SSX2IP: variants seen among roughly 807,000 people sequenced by gnomAD.
SSX2IP encodes afadin- and alpha-actinin-binding protein.
Under a neutral mutation model 84.9 loss-of-function variants are expected in SSX2IP, and 55 were observed. The ratio of observed to expected loss-of-function variants is 0.65; its 90% CI spans 0.52 to 0.81. The LOEUF is 0.81. Ranked by LOEUF, SSX2IP falls within the 30% of genes least tolerant of loss-of-function variation. SSX2IP has a pLI of 0.00. For synonymous variants in SSX2IP, 239 were observed against 234.7 expected, an observed-to-expected ratio of 1.02 and a Z score of -0.17; for missense variants, 664 against 705.2, an observed-to-expected ratio of 0.94 and a Z score of 0.66.
intron 11 of SSX2IP, 60 bp downstream of exon 11, chr1:84,655,772 A>G: frequency 6.4e-7 from 1 of 1,563,664 alleles, no homozygotes; most frequent in Non-Finnish European, 8.7e-7. Flanking sequence ...CCTTAGAAGC[A>G]TTCTACTGAG....
At chr1:84,664,175 T>C (rs1403145784) in intron 6 of SSX2IP, among the ~76,000 whole-genome samples, 1 of 152,172 alleles carries the variant, frequency 6.6e-6, no homozygotes, top group Non-Finnish European at 1.5e-5. Context: ...TTTTCCTCTA[T>C]GGATTAATTC....
intron 4 of SSX2IP, among the ~76,000 whole-genome samples, chr1:84,667,278 G>A (rs2994446): frequency 0.014 from 2,147 of 152,090 alleles, 41 homozygotes; most frequent in African/African-American, 0.047. Context: ...GTAACTCAAG[G>A]CAGAAACCTG....
chr1:84,650,272 G>T, intron 13 of SSX2IP, 90 bp downstream of exon 13: 2 of 1,290,038 alleles, frequency 1.6e-6, no homozygotes, highest in Non-Finnish European at 2.3e-6. Flanking sequence ...CTCTATTGTT[G>T]CTAATACTAC....
intron 1 of SSX2IP, among the ~76,000 whole-genome samples, chr1:84,681,735 G>A (rs748101799): frequency 1.4e-4 from 22 of 152,140 alleles, no homozygotes; most frequent in Admixed American, 6.6e-4. Flanking sequence ...TGGAAATCTC[G>A]ACTTAGACAA....
rs751650656 is a variant in SSX2IP, at chr1:84,644,908, T to C, written c.*2525A>G. The C allele has an allele frequency of 2.0e-5, 3 of 152,228 alleles. No homozygotes were observed. The highest frequency in any genetic ancestry group is 2.1e-4 in the South Asian group (1 of 4,836). The allele number at this position is 152,228 out of a possible 1,614,324, so 9.4% of individuals were successfully genotyped here. ...TTAATACATTGCTTCTATAAGAAAA[T>C]ACTATTTGTTAAATTTTAGTCATAA... is the stretch of plus-strand genomic sequence containing the variant. On this transcript the variant is annotated 3_prime_UTR_variant, in exon 14 of 14. Coordinates refer to ENST00000342203, the MANE Select transcript of SSX2IP (RefSeq NM_001166293.2).
At chr1:84,678,744 T>C (rs182942277) in intron 1 of SSX2IP, among the ~76,000 whole-genome samples, 3 of 152,306 alleles carry the variant, frequency 2.0e-5, no homozygotes, top group Admixed American at 2.0e-4. Flanking sequence ...CACCCCCAAA[T>C]CTCTGCAACT....
At chr1:84,650,970 G>A (rs1482613028) in intron 12 of SSX2IP, among the ~76,000 whole-genome samples, 1 of 152,084 alleles carries the variant, frequency 6.6e-6, no homozygotes, top group Non-Finnish European at 1.5e-5. Flanking sequence ...CTCCCAAAGT[G>A]CTGGGATTAC....
intron 1 of SSX2IP, among the ~76,000 whole-genome samples, chr1:84,675,631 G>A (rs147796578): frequency 4.3e-4 from 66 of 152,304 alleles, no homozygotes; most frequent in African/African-American, 1.6e-3. Flanking sequence ...TTTCCAACGT[G>A]TGGGACAAAG....
At chr1:84,670,158 A>G (rs1412332614) in intron 3 of SSX2IP, 2 of 228,056 alleles carry the variant, frequency 8.8e-6, no homozygotes, top group Non-Finnish European at 1.7e-5. Flanking sequence ...CATGACAAAT[A>G]TATATAATTT....
chr1:84,668,153 A>G (rs74098430), intron 4 of SSX2IP, among the ~76,000 whole-genome samples: 4,172 of 152,272 alleles, frequency 0.027, 203 homozygotes, highest in African/African-American at 0.095. Context: ...CTGAAGAAAC[A>G]GTCTCTGCTC....
At chr1:84,659,609 C>A (rs1233587847) in intron 8 of SSX2IP, among the ~76,000 whole-genome samples, 1 of 151,764 alleles carries the variant, frequency 6.6e-6, no homozygotes, top group Non-Finnish European at 1.5e-5. Flanking sequence ...ACCATCCTGT[C>A]CAACATGGTG....
Position 84,670,804 on chromosome 1 carries a change from T to G in SSX2IP, c.55A>C (p.Ile19Leu), listed in dbSNP as rs370102993. 35 of 1,603,756 alleles carry G rather than the reference T, an allele frequency of 2.2e-5. No individual in the cohort carries two copies. Among genetic ancestry groups the G allele is most frequent in the Middle Eastern group, 3.3e-4 (2 of 6,012 alleles). Reference protein sequence around the residue: ...DPGLSSESKTISQYTSETKMS... With the variant: ...DPGLSSESKTLSQYTSETKMS... ...TTTGTTTCTGAGGTATATTGAGAGA[T>G]AGTTTTGCTTTCTGAAAGAATAAAA... Residue 19 changes from isoleucine to leucine, a missense_variant, in exon 3 of 14, where the codon ATC becomes CTC. Ile to Leu is a conservative substitution (Grantham distance 5). Coordinates refer to ENST00000342203, the MANE Select transcript of SSX2IP (RefSeq NM_001166293.2).
intron 2 of SSX2IP, 123 bp from the exon 3 acceptor site, chr1:84,670,938 T>C: frequency 1.2e-6 from 1 of 803,702 alleles, no homozygotes; most frequent in South Asian, 2.4e-5. Context: ...AATATATACA[T>C]ACATATTTTA....
Position 84,644,216 on chromosome 1 carries a change from C to T in SSX2IP, c.*3217G>A, listed in dbSNP as rs572787491. ...AGACTTATAAATGGAAGCCTAGCCA[C>T]GTTACTGTTAAAAAACAAATGTGGC... On this transcript the variant is annotated 3_prime_UTR_variant, in exon 14 of 14. Coordinates refer to ENST00000342203, the MANE Select transcript of SSX2IP (RefSeq NM_001166293.2). 2.0e-5 allele frequency: 3 copies of T among 152,274 alleles called. No individual in the cohort carries two copies. Among genetic ancestry groups the T allele is most frequent in the East Asian group, 1.9e-4 (1 of 5,182 alleles). The allele number at this position is 152,274 out of a possible 1,614,324, so 9.4% of individuals were successfully genotyped here.
At position 84,645,080 on chromosome 1, in the gene SSX2IP, G is replaced by A. The variant is rs1473803841; in HGVS notation, c.*2353C>T. 1 of 152,154 alleles carries A rather than the reference G, an allele frequency of 6.6e-6. No individual in the cohort carries two copies. Among genetic ancestry groups the A allele is most frequent in the Non-Finnish European group, 1.5e-5 (1 of 68,032 alleles). The allele number at this position is 152,154 out of a possible 1,614,324, so 9.4% of individuals were successfully genotyped here. ...GTACAAAATATTTCAGATTTACATA[G>A]TGATAAACAAGAAAGCACTTATCAG... On this transcript the variant is annotated 3_prime_UTR_variant, in exon 14 of 14. Coordinates refer to ENST00000342203, the MANE Select transcript of SSX2IP (RefSeq NM_001166293.2).
In SSX2IP at chr1:84,662,282, A is replaced by C; in HGVS notation, c.843T>G (p.Leu281=). 1.9e-6 allele frequency: 3 copies of C among 1,608,184 alleles called. No individual in the cohort carries two copies. Among genetic ancestry groups the C allele is most frequent in the Non-Finnish European group, 2.6e-6 (3 of 1,176,368 alleles). The part of the protein sequence containing the change: ...LMENAELKKV[L]QQMKKEMISL... ...AAATCATTTCCTTTTTCATTTGTTG[A>C]AGAACCTTCTTAAGTTCTGCATTTT... Residue 281 remains leucine, a synonymous_variant, in exon 8 of 14, where the codon CTT becomes CTG. Transcript: ENST00000342203.
intron 13 of SSX2IP, chr1:84,649,658 C>T (rs1649939951): frequency 4.2e-6 from 1 of 235,732 alleles, no homozygotes; most frequent in Non-Finnish European, 8.4e-6. Flanking sequence ...TACCACCATA[C>T]TTTCCAACTT....
intron 1 of SSX2IP, among the ~76,000 whole-genome samples, chr1:84,689,310 C>T (rs1656248585): frequency 6.6e-6 from 1 of 152,046 alleles, no homozygotes; most frequent in Admixed American, 6.5e-5. Flanking sequence ...GTAGGATCAC[C>T]AGAATTTTCT....
chr1:84,687,854 C>T (rs1294922068), intron 1 of SSX2IP, among the ~76,000 whole-genome samples: 1 of 152,206 alleles, frequency 6.6e-6, no homozygotes, highest in Admixed American at 6.5e-5. Flanking sequence ...CTCTACCAAG[C>T]CACCTGTAAC....
Sources: allele counts gnomAD v4.1 joint callset (sites outside exome capture counted in the v4.1 genomes callset), GRCh38; gene constraint gnomAD v4.1.1; transcripts MANE v1.5; gene names NCBI Gene and HGNC (gene_info 2026-07-23, HGNC 2026-07-21).